Variants in EXT1 observed in about 807,000 individuals in gnomAD.
EXT1 encodes the protein exostosin glycosyltransferase 1.
A neutral mutation model predicts 82.5 loss-of-function variants in EXT1; 20 were observed. The observed-to-expected ratio is 0.24, with a 90% CI of 0.17 to 0.35. The LOEUF (loss-of-function observed/expected upper bound fraction) is 0.35. EXT1 is among the 10% of genes least tolerant of loss of function. The pLI is 1.00. For synonymous variants in EXT1, 348 were observed against 350.8 expected, an observed-to-expected ratio of 0.99 and a Z score of 0.09; for missense variants, 757 against 936.5, an observed-to-expected ratio of 0.81 and a Z score of 2.50.
At chr8:117,820,541 T>C (rs1249689606) in intron 5 of EXT1, among the ~76,000 whole-genome samples, 11 of 150,056 alleles carry the variant, frequency 7.3e-5, no homozygotes, top group Non-Finnish European at 3.0e-5. Context: ...ATACAAAAAT[T>C]AGCTGGGCAT....
rs533369554 is a variant in EXT1 at position 118,091,653 on chromosome 8, G to A, written c.962+18432C>T. 1.4e-4 allele frequency among the ~76,000 whole-genome samples: 21 copies of A among 152,284 alleles called. 1 individual carries two copies. In the South Asian group the frequency reaches 2.7e-3, roughly 20 times the overall value. ...CCAGCTACTCGGGAGACTGAAGCAGGAGAATGATGTGAACCTGGGAAGCGG... is the reference window on the plus strand; with the variant it reads ...CCAGCTACTCGGGAGACTGAAGCAGAAGAATGATGTGAACCTGGGAAGCGG... On this transcript the variant is annotated intron_variant, in intron 1 of 10. Transcript: ENST00000378204.
At chr8:118,100,736 C>G (rs775186953) in intron 1 of EXT1, among the ~76,000 whole-genome samples, 100 of 151,278 alleles carry the variant, frequency 6.6e-4, no homozygotes, top group Non-Finnish European at 1.1e-3. Context: ...CAGAGCGAGA[C>G]TCCATCTCAA....
At chr8:117,889,213 C>T (rs13252084) in intron 1 of EXT1, among the ~76,000 whole-genome samples, 104,924 of 151,948 alleles carry the variant, frequency 0.69, 36,633 homozygotes, top group Middle Eastern at 0.83. Flanking sequence ...ATCACGGAGC[C>T]TCGTTACCAG....
chr8:117,897,591 C>CTTTTTTTTTTTTTTTTTTTTTTT (rs34963536), intron 1 of EXT1, among the ~76,000 whole-genome samples: 2 of 90,656 alleles, frequency 2.2e-5, no homozygotes, highest in African/African-American at 8.8e-5. Context: ...CTTCTTTTCT[C>CTTTTTTTTTTTTTTTTTTTTTTT]TTTTTTTTTT....
At chr8:117,817,910 C>T (rs1259710958) in intron 7 of EXT1, among the ~76,000 whole-genome samples, 2 of 152,052 alleles carry the variant, frequency 1.3e-5, no homozygotes, top group African/African-American at 2.4e-5. Flanking sequence ...GAAGAGAGGC[C>T]GGCTATGTAG....
chr8:118,106,971 T>C (rs1202776330), intron 1 of EXT1, among the ~76,000 whole-genome samples: 1 of 152,232 alleles, frequency 6.6e-6, no homozygotes, highest in Non-Finnish European at 1.5e-5. Context: ...TTTCTCTCTA[T>C]TACAAGAGAA....
rs550536560 is a variant in EXT1 at position 117,795,027 on chromosome 8, T to A, written c.*4685A>T. ...CCGAAAGGACAGGGATGTATTCCTG[T>A]AGGAGAAGAACAGAAAACTATTGCA... On this transcript the variant is annotated 3_prime_UTR_variant, in exon 11 of 11. Transcript: ENST00000378204. 1.9e-4 allele frequency: 29 copies of A among 152,320 alleles called. 1 individual carries two copies. The highest frequency in any genetic ancestry group is 6.7e-4 in the African/African-American group (28 of 41,572). 9.4% of individuals were successfully genotyped at this position (152,320 alleles called of 1,614,324 possible).
intron 1 of EXT1, among the ~76,000 whole-genome samples, chr8:118,100,731 C>T (rs1817702308): frequency 6.6e-6 from 1 of 150,996 alleles, no homozygotes; most frequent in Admixed American, 6.6e-5. Context: ...GGCGACAGAG[C>T]GAGACTCCAT....
chr8:118,104,835 T>G (rs1317213943), intron 1 of EXT1, among the ~76,000 whole-genome samples: 1 of 152,236 alleles, frequency 6.6e-6, no homozygotes, highest in Non-Finnish European at 1.5e-5. Context: ...TAAGCTTCTG[T>G]GTTCATGTTT....
At position 117,822,476 on chromosome 8, in the gene EXT1, T is replaced by C. The variant is rs750748090; in HGVS notation, c.1406A>G (p.Tyr469Cys). The C allele has an allele frequency of 8.7e-6, 14 of 1,613,040 alleles. No individual in the cohort carries two copies. The highest frequency in any genetic ancestry group is 1.1e-5 in the Non-Finnish European group (13 of 1,179,690). Residue 469 changes from tyrosine (Y) to cysteine (C), a missense_variant, in exon 5 of 11, where the codon TAT becomes TGT. Physicochemically the swap from Tyr to Cys is radical, Grantham distance 194. Transcript: ENST00000378204. ...GGAAATTCACTTACCTAAATTAGCA[T>C]AGTAGTAAGGAAAATCTCCCAGATA... ...SSYLGDFPYY[Y>C]ANLGLKPPSK...
intron 1 of EXT1, among the ~76,000 whole-genome samples, chr8:118,056,616 G>C (rs1816799037): frequency 6.6e-6 from 1 of 152,024 alleles, no homozygotes. Context: ...AGGAGAGAAA[G>C]GTCTGTAATT....
At chr8:118,033,995 A>T (rs1231430387) in intron 1 of EXT1, among the ~76,000 whole-genome samples, 1 of 152,222 alleles carries the variant, frequency 6.6e-6, no homozygotes, top group African/African-American at 2.4e-5. Context: ...AAGGCAAACT[A>T]AGAATAAAAA....
chr8:117,982,404 T>C (rs1251543889), intron 1 of EXT1, among the ~76,000 whole-genome samples: 2 of 152,242 alleles, frequency 1.3e-5, no homozygotes, highest in African/African-American at 4.8e-5. Flanking sequence ...AAAAAGTGTC[T>C]AGCCCCTTTT....
At chr8:117,857,972 G>A (rs1044291767) in intron 1 of EXT1, among the ~76,000 whole-genome samples, 8 of 152,180 alleles carry the variant, frequency 5.3e-5, no homozygotes, top group African/African-American at 1.9e-4. Context: ...TTCAGAAGAA[G>A]TCACTGCAGA....
At chr8:117,980,276 CCT>C (rs1019608827) in intron 1 of EXT1, among the ~76,000 whole-genome samples, 1 of 152,128 alleles carries the variant, frequency 6.6e-6, no homozygotes, top group Admixed American at 6.5e-5. Context: ...CGTCCTTCCC[CCT>C]CTCTTTTCCC....
intron 1 of EXT1, among the ~76,000 whole-genome samples, chr8:117,933,234 GTAT>G (rs753270846): frequency 7.2e-5 from 6 of 82,800 alleles, no homozygotes; most frequent in African/African-American, 1.1e-4. Context: ...GTTCTGCTGG[GTAT>G]TTTTTTTTTT....
At chr8:118,078,266 T>G (rs968357744) in intron 1 of EXT1, among the ~76,000 whole-genome samples, 1 of 152,190 alleles carries the variant, frequency 6.6e-6, no homozygotes, top group Non-Finnish European at 1.5e-5. Flanking sequence ...TGGCACAATC[T>G]CCACTCACTG....
chr8:117,944,933 C>T (rs1227535993), intron 1 of EXT1, among the ~76,000 whole-genome samples: 11 of 152,134 alleles, frequency 7.2e-5, no homozygotes, highest in African/African-American at 2.2e-4. Flanking sequence ...GAGGCGGAGG[C>T]GGGCGGATCA....
At chr8:117,987,401 A>G (rs1418450522) in intron 1 of EXT1, among the ~76,000 whole-genome samples, 18 of 152,156 alleles carry the variant, frequency 1.2e-4, no homozygotes, top group Non-Finnish European at 1.5e-4. Context: ...CTGGCATTCT[A>G]CCTGCATTCT....
Sources: allele counts gnomAD v4.1 joint callset (sites outside exome capture counted in the v4.1 genomes callset), GRCh38; gene constraint gnomAD v4.1.1; transcripts MANE v1.5; gene names NCBI Gene and HGNC (gene_info 2026-07-23, HGNC 2026-07-21).